Variants in BAIAP2L1 observed in about 807,000 individuals in gnomAD.
BAIAP2L1 encodes the protein BAR/IMD domain-containing adapter protein 2-like 1.
A neutral mutation model predicts 66.3 loss-of-function variants in BAIAP2L1; 35 were observed. That is an observed-to-expected ratio of 0.53 (90% confidence interval 0.40 to 0.70). BAIAP2L1 has a LOEUF of 0.70. Among genes scored for constraint, BAIAP2L1 ranks in the 30% least tolerant of loss-of-function variants. BAIAP2L1 has a pLI of 0.00. For synonymous variants in BAIAP2L1, 269 were observed against 248.7 expected (o/e 1.08, Z -0.77); for missense variants, 622 against 656.9 (o/e 0.95, Z 0.58).
intron 1 of BAIAP2L1, among the ~76,000 whole-genome samples, chr7:98,379,043 A>G (rs576754480): frequency 6.6e-6 from 1 of 152,188 alleles, no homozygotes; most frequent in African/African-American, 2.4e-5. Context: ...GTTAGCCAGG[A>G]TGGTCTCAAT....
intron 3 of BAIAP2L1, among the ~76,000 whole-genome samples, chr7:98,345,415 C>A (rs1035735875): frequency 1.1e-4 from 17 of 152,022 alleles, no homozygotes; most frequent in Non-Finnish European, 2.2e-4. Context: ...AGAAGATATG[C>A]AAATGGTCAG....
At position 98,342,041 on chromosome 7, in the gene BAIAP2L1, ATTT is replaced by A. The variant is rs142061599; in HGVS notation, c.214+12998_214+13000del. Among the ~76,000 whole-genome samples the A allele has an allele frequency of 9.0e-3, 854 of 95,090 alleles. 7 individuals are homozygous for A. The highest frequency in any genetic ancestry group is 0.028 in the African/African-American group (708 of 25,508). 62.4% of individuals were successfully genotyped at this position (95,090 alleles called of 152,430 possible). A position where few individuals can be genotyped will look rare whatever the true frequency, so the allele number is the denominator to read the frequency against. ...AAAATGTTTCAGAAATTTTTTTCTG[ATTT>A]TTTTTTTTTTTTTTTTTTTTTTATA... On this transcript the variant is annotated intron_variant, in intron 3 of 13. Transcript: ENST00000005260.
chr7:98,368,355 G>T (rs533246449), intron 1 of BAIAP2L1, among the ~76,000 whole-genome samples: 7 of 152,190 alleles, frequency 4.6e-5, no homozygotes, highest in Non-Finnish European at 7.3e-5. Context: ...GGAGGCAGAG[G>T]TTGCAGTGAG....
intron 3 of BAIAP2L1, among the ~76,000 whole-genome samples, chr7:98,342,308 C>T (rs1451274431): frequency 1.3e-5 from 2 of 152,096 alleles, no homozygotes; most frequent in Non-Finnish European, 2.9e-5. Flanking sequence ...CTCGGCCTCC[C>T]AAAGTGCTAG....
At chr7:98,373,429 T>C (rs551510509) in intron 1 of BAIAP2L1, among the ~76,000 whole-genome samples, 1 of 152,328 alleles carries the variant, frequency 6.6e-6, no homozygotes, top group Non-Finnish European at 1.5e-5. Context: ...TCTTGCATTA[T>C]GTATTAGTTT....
At chr7:98,379,555 G>A (rs1200807947) in intron 1 of BAIAP2L1, among the ~76,000 whole-genome samples, 1 of 152,110 alleles carries the variant, frequency 6.6e-6, no homozygotes, top group Non-Finnish European at 1.5e-5. Flanking sequence ...AAATACCAGG[G>A]CTGTCTGTGA....
At chr7:98,331,939 T>C (rs977311031) in intron 3 of BAIAP2L1, among the ~76,000 whole-genome samples, 2 of 152,152 alleles carry the variant, frequency 1.3e-5, no homozygotes, top group African/African-American at 4.8e-5. Context: ...AGTAAAATCA[T>C]CCTTCAAAAG....
intron 12 of BAIAP2L1, among the ~76,000 whole-genome samples, chr7:98,294,655 G>T: frequency 6.6e-6 from 1 of 152,246 alleles, no homozygotes; most frequent in East Asian, 1.9e-4. Flanking sequence ...CAGGTCCTCA[G>T]CCACGGTCTT....
rs779616120 is a variant in BAIAP2L1 at position 98,294,122 on chromosome 7, G to A, written c.1423-11C>T. 8 of 1,613,702 alleles carry A rather than the reference G, an allele frequency of 5.0e-6. No individual in the cohort carries two copies. The South Asian group carries it at 8.8e-5, about 18-fold the overall frequency. On this transcript the variant is annotated splice_polypyrimidine_tract_variant and intron_variant, in intron 12 of 13. Transcript: ENST00000005260. ...CCCGTTGGCATCGTTCTGTGAGAAAGATAAAGAAGTTTATGGAGGGCTTAG... is the reference window on the plus strand; with the variant it reads ...CCCGTTGGCATCGTTCTGTGAGAAAAATAAAGAAGTTTATGGAGGGCTTAG...
Position 98,401,025 on chromosome 7 carries a change from A to C in BAIAP2L1, c.-173T>G. On this transcript the variant is annotated 5_prime_UTR_variant, in exon 1 of 14. Coordinates refer to ENST00000005260, the MANE Select transcript of BAIAP2L1 (RefSeq NM_018842.5). Reference sequence around the variant, plus strand: ...GCGTCTCCGCTGCGAAAATGTCAAAACTTGCGGCAGCGCCGCCCTGGCCTT... The same window carrying C: ...GCGTCTCCGCTGCGAAAATGTCAAACCTTGCGGCAGCGCCGCCCTGGCCTT... 21 of 458,756 alleles carry C rather than the reference A, an allele frequency of 4.6e-5. No individual in the cohort carries two copies. The highest frequency in any genetic ancestry group is 6.3e-4 in the Middle Eastern group (1 of 1,578). 28.4% of individuals were successfully genotyped at this position (458,756 alleles called of 1,614,324 possible).
At chr7:98,310,718 G>A (rs1233312150) in intron 8 of BAIAP2L1, 126 bp from the exon 9 acceptor site, 8 of 680,554 alleles carry the variant, frequency 1.2e-5, no homozygotes, top group South Asian at 8.0e-5. Flanking sequence ...ACAGAGTCTC[G>A]CTGTGTTGCC....
In BAIAP2L1 at chr7:98,306,367, T is replaced by C. The variant is rs1354564366; in HGVS notation, c.1241+72A>G. The C allele has an allele frequency of 2.6e-6, 4 of 1,559,350 alleles. No homozygotes were observed. In the Admixed American group the frequency reaches 5.0e-5, roughly 20 times the overall value. The stretch of plus-strand genomic sequence containing the variant: ...GGGCAGGGCCTGCGACACAGCTAGA[T>C]GGTGGTGTGTTACAGAAACGACAAG... On this transcript the variant is annotated intron_variant, in intron 11 of 13. Transcript: ENST00000005260.
intron 3 of BAIAP2L1, among the ~76,000 whole-genome samples, chr7:98,352,949 G>T (rs1486110287): frequency 6.6e-6 from 1 of 152,072 alleles, no homozygotes. Context: ...TCTGATGCAT[G>T]ACACCAATAG....
chr7:98,355,758 T>C (rs569018072), intron 2 of BAIAP2L1, among the ~76,000 whole-genome samples: 1 of 151,802 alleles, frequency 6.6e-6, no homozygotes, highest in South Asian at 2.1e-4. Context: ...AGAAGATACA[T>C]CCTCTCCAGC....
chr7:98,386,517 T>A (rs570503793), intron 1 of BAIAP2L1: 1 of 1,597,098 alleles, frequency 6.3e-7, no homozygotes, highest in Admixed American at 1.7e-5. Flanking sequence ...AGAAAATGGA[T>A]CAACCACTTT....
intron 1 of BAIAP2L1, among the ~76,000 whole-genome samples, chr7:98,365,087 C>A (rs1315209985): frequency 7.2e-6 from 1 of 138,528 alleles, no homozygotes; most frequent in Non-Finnish European, 1.5e-5. Flanking sequence ...TCCTATGTGA[C>A]TTTTTTTTAA....
At chr7:98,295,739 A>C (rs1800162381) in intron 12 of BAIAP2L1, among the ~76,000 whole-genome samples, 2 of 152,024 alleles carry the variant, frequency 1.3e-5, no homozygotes, top group African/African-American at 4.8e-5. Flanking sequence ...CCAAACTAGA[A>C]ACCAGAAACA....
intron 8 of BAIAP2L1, among the ~76,000 whole-genome samples, chr7:98,310,830 C>T (rs150876369): frequency 2.6e-5 from 4 of 152,202 alleles, no homozygotes; most frequent in African/African-American, 7.2e-5. Context: ...GGATAACAGG[C>T]ACGCACTACC....
At chr7:98,324,074 G>C (rs1801318914) in intron 3 of BAIAP2L1, among the ~76,000 whole-genome samples, 1 of 152,084 alleles carries the variant, frequency 6.6e-6, no homozygotes, top group Admixed American at 6.5e-5. Flanking sequence ...GGACTCAGAA[G>C]AAGCAAAGCT....
Sources: allele counts gnomAD v4.1 joint callset (sites outside exome capture counted in the v4.1 genomes callset), GRCh38; gene constraint gnomAD v4.1.1; transcripts MANE v1.5; gene names NCBI Gene and HGNC (gene_info 2026-07-23, HGNC 2026-07-21).